Variants in TIMD4 observed in about 807,000 individuals in gnomAD.
TIMD4 encodes the protein T cell immunoglobulin and mucin domain containing 4.
Under a neutral mutation model 41.2 loss-of-function variants are expected in TIMD4, and 31 were observed. The ratio of observed to expected loss-of-function variants is 0.75; its 90% CI spans 0.57 to 1.01. The LOEUF is 1.01. Among genes scored for constraint, TIMD4 ranks in the 50% least tolerant of loss-of-function variants. The pLI is 0.00. For synonymous variants in TIMD4, 204 were observed against 177.1 expected (o/e 1.15, Z -1.21); for missense variants, 479 against 472.5 (o/e 1.01, Z -0.13).
At chr5:156,930,838 AAAT>A (rs1759432861) in intron 5 of TIMD4, among the ~76,000 whole-genome samples, 1 of 152,248 alleles carries the variant, frequency 6.6e-6, no homozygotes, top group African/African-American at 2.4e-5. Flanking sequence ...GTGGTCAGCA[AAAT>A]AATGACACCC....
intron 6 of TIMD4, among the ~76,000 whole-genome samples, chr5:156,923,609 G>C (rs1363330192): frequency 6.6e-6 from 1 of 151,600 alleles, no homozygotes; most frequent in Non-Finnish European, 1.5e-5. Flanking sequence ...AATGATTACA[G>C]CTCACTGCAA....
At chr5:156,952,502 C>G (rs1759881897) in intron 2 of TIMD4, among the ~76,000 whole-genome samples, 1 of 152,058 alleles carries the variant, frequency 6.6e-6, no homozygotes, top group Non-Finnish European at 1.5e-5. Flanking sequence ...ATTTATTTAG[C>G]TCTTTGAATA....
At chr5:156,934,496 T>A (rs1759504255) in intron 5 of TIMD4, among the ~76,000 whole-genome samples, 1 of 152,194 alleles carries the variant, frequency 6.6e-6, no homozygotes, top group South Asian at 2.1e-4. Flanking sequence ...TTTGCTATGT[T>A]GACCAGGCTG....
At chr5:156,939,991 AC>A (rs947136475) in intron 5 of TIMD4, among the ~76,000 whole-genome samples, 2 of 152,094 alleles carry the variant, frequency 1.3e-5, no homozygotes, top group African/African-American at 4.8e-5. Flanking sequence ...CCCGCTTTCC[AC>A]GGTCTCCCTC....
At chr5:156,955,612 T>C (rs1233760817) in intron 1 of TIMD4, among the ~76,000 whole-genome samples, 3 of 151,242 alleles carry the variant, frequency 2.0e-5, no homozygotes, top group African/African-American at 7.3e-5. Flanking sequence ...GCCGAGATCA[T>C]GCCACTGCAC....
chr5:156,932,840 C>T lies in TIMD4; in HGVS notation c.845-6528G>A, dbSNP rs1341675859. On this transcript the variant is annotated intron_variant, in intron 5 of 8. Coordinates refer to ENST00000274532, the MANE Select transcript of TIMD4 (RefSeq NM_138379.3). Reference sequence around the variant, plus strand: ...CCAACATGGTTAAACCCTGTCTCTACTAAAAATGCAAAAATTAGCCAGGCG... The same window carrying T: ...CCAACATGGTTAAACCCTGTCTCTATTAAAAATGCAAAAATTAGCCAGGCG... Among the ~76,000 whole-genome samples the T allele has an allele frequency of 2.0e-5, 3 of 151,990 alleles. No individual in the cohort carries two copies. In the East Asian group the frequency reaches 5.8e-4, roughly 29 times the overall value.
At chr5:156,924,486 G>A in intron 6 of TIMD4, 2 of 483,010 alleles carry the variant, frequency 4.1e-6, no homozygotes, top group South Asian at 1.6e-5. Flanking sequence ...TGGCCTTGTT[G>A]GACTTGTTTT....
chr5:156,947,188 G>A (rs1038287795), intron 5 of TIMD4, among the ~76,000 whole-genome samples: 5 of 150,996 alleles, frequency 3.3e-5, no homozygotes, highest in African/African-American at 4.9e-5. Flanking sequence ...ACAGAGTGAG[G>A]CTCTGTCTCA....
rs1431629559 is a variant in TIMD4, at chr5:156,952,776, G to C, written c.401-986C>G. On this transcript the variant is annotated intron_variant, in intron 2 of 8. Coordinates refer to ENST00000274532, the MANE Select transcript of TIMD4 (RefSeq NM_138379.3). ...TATCCCGTTAAACTTTAAGCACCATGAGGGAAAATCTGACATTTATTTTGT... is the reference window on the plus strand; with the variant it reads ...TATCCCGTTAAACTTTAAGCACCATCAGGGAAAATCTGACATTTATTTTGT... Among the ~76,000 whole-genome samples, 3 of 152,210 alleles carry C rather than the reference G, an allele frequency of 2.0e-5. No homozygotes were observed. In the East Asian group the frequency reaches 5.8e-4, roughly 29 times the overall value.
At chr5:156,952,939 A>T (rs562423133) in intron 2 of TIMD4, among the ~76,000 whole-genome samples, 1 of 152,218 alleles carries the variant, frequency 6.6e-6, no homozygotes, top group Non-Finnish European at 1.5e-5. Context: ...GGTCTCTTTC[A>T]GACAGTAAAG....
chr5:156,949,694 A>G lies in TIMD4; in HGVS notation c.717T>C (p.Ser239=), dbSNP rs1212554019. Residue 239 remains serine, a synonymous_variant, in exon 4 of 9, where the codon AGT becomes AGC. Transcript: ENST00000274532. The part of the protein sequence containing the change: ...ETVLPSDSWS[S]VESTSADTVL... The stretch of plus-strand genomic sequence containing the variant: ...CAGTGTCAGCAGAAGTAGACTCAAC[A>G]CTACTCCAGGAATCACTGGGGAGGA... The G allele has an allele frequency of 6.2e-7, 1 of 1,613,608 alleles. No individual in the cohort carries two copies. The highest frequency in any genetic ancestry group is 1.1e-5 in the South Asian group (1 of 91,064).
intron 5 of TIMD4, among the ~76,000 whole-genome samples, chr5:156,948,166 G>A (rs1431397473): frequency 1.3e-5 from 2 of 152,054 alleles, no homozygotes; most frequent in East Asian, 3.9e-4. Context: ...CCAGATAGAT[G>A]ACAGATTGTT....
intron 3 of TIMD4, 28 bp downstream of exon 3, chr5:156,951,484 C>T: frequency 6.2e-7 from 1 of 1,612,458 alleles, no homozygotes. Flanking sequence ...CAGCACTGTT[C>T]TAAGAAACCC....
At chr5:156,921,958 C>T in intron 7 of TIMD4, 141 bp downstream of exon 7, 2 of 623,474 alleles carry the variant, frequency 3.2e-6, no homozygotes. Flanking sequence ...TTACCTGTTA[C>T]TTCCCTGGCT....
intron 2 of TIMD4, among the ~76,000 whole-genome samples, chr5:156,952,742 A>T (rs766927677): frequency 6.6e-6 from 1 of 152,202 alleles, no homozygotes; most frequent in African/African-American, 2.4e-5. Context: ...CTATTGTTTA[A>T]AGCCTGTTTA....
At chr5:156,949,581 G>A in intron 4 of TIMD4, 70 bp downstream of exon 4, 1 of 1,321,448 alleles carries the variant, frequency 7.6e-7, no homozygotes, top group Non-Finnish European at 1.1e-6. Context: ...GATTCAGCAA[G>A]ACTTTTAGTA....
intron 5 of TIMD4, among the ~76,000 whole-genome samples, chr5:156,932,911 A>G (rs1260867849): frequency 6.6e-6 from 1 of 152,064 alleles, no homozygotes; most frequent in Non-Finnish European, 1.5e-5. Flanking sequence ...GGTTGAGGCA[A>G]GAGAATGGCT....
At chr5:156,950,555 A>G (rs556639519) in intron 3 of TIMD4, among the ~76,000 whole-genome samples, 1 of 152,362 alleles carries the variant, frequency 6.6e-6, no homozygotes, top group East Asian at 1.9e-4. Context: ...AAAGCCTTCA[A>G]GCTATCTCAT....
rs1169269551 is a variant in TIMD4 at position 156,963,136 on chromosome 5, C to T, written c.58+5G>A. Reference sequence around the variant, plus strand: ...CTTCTACATAGAAGGTTTCAGAACACTTACTCAGGTAAAGCCACCAAAACT... The same window carrying T: ...CTTCTACATAGAAGGTTTCAGAACATTTACTCAGGTAAAGCCACCAAAACT... On this transcript the variant is annotated splice_donor_5th_base_variant and intron_variant, in intron 1 of 8. Transcript: ENST00000274532. 3.7e-6 allele frequency: 6 copies of T among 1,613,880 alleles called. No homozygotes were observed. Among genetic ancestry groups the T allele is most frequent in the Admixed American group, 3.3e-5 (2 of 59,998 alleles).
Sources: allele counts gnomAD v4.1 joint callset (sites outside exome capture counted in the v4.1 genomes callset), GRCh38; gene constraint gnomAD v4.1.1; transcripts MANE v1.5; gene names NCBI Gene and HGNC (gene_info 2026-07-23, HGNC 2026-07-21).